Variants in C19orf47 observed in about 807,000 individuals in gnomAD.
The protein encoded by C19orf47 is uncharacterized protein C19orf47.
Under a neutral mutation model 32.3 loss-of-function variants are expected in C19orf47, and 18 were observed. That is an observed-to-expected ratio of 0.56 (90% confidence interval 0.39 to 0.83). The LOEUF (loss-of-function observed/expected upper bound fraction) is 0.83, where lower values mean the gene tolerates loss of function less well. Among genes scored for constraint, C19orf47 ranks in the 40% least tolerant of loss-of-function variants. The pLI is 0.00. For missense variants in C19orf47, 484 were observed against 531.6 expected (o/e 0.91, Z 0.88); for synonymous variants, 202 against 211.1 (o/e 0.96, Z 0.37).
At chr19:40,340,894 C>G (rs2078163756) in intron 2 of C19orf47, among the ~76,000 whole-genome samples, 1 of 150,542 alleles carries the variant, frequency 6.6e-6, no homozygotes, top group Non-Finnish European at 1.5e-5. Context: ...GGGAGGATCA[C>G]CTGAGCCTGG....
intron 5 of C19orf47, among the ~76,000 whole-genome samples, chr19:40,329,274 T>C (rs562698638): frequency 6.6e-6 from 1 of 152,020 alleles, no homozygotes; most frequent in East Asian, 1.9e-4. Context: ...TTGGGAGGCC[T>C]AGGGGGATGG....
Position 40,328,614 on chromosome 19 carries a change from T to A in C19orf47, c.302-64A>T, listed in dbSNP as rs2077885473. 36 of 1,536,240 alleles carry A rather than the reference T, an allele frequency of 2.3e-5. 1 individual carries two copies. In the South Asian group the frequency reaches 4.2e-4, roughly 18 times the overall value. ...TGGAAGACAGGCCTCAATCCAGCAG[T>A]CTCAGGGTCAGGATGGAGAAGGTGA... On this transcript the variant is annotated intron_variant, in intron 5 of 8. Coordinates refer to ENST00000683109, the MANE Select transcript of C19orf47 (RefSeq NM_001256441.2).
At chr19:40,298,809 G>A in the C19orf47 span, among the ~76,000 whole-genome samples, 5 of 152,120 alleles carry the variant, frequency 3.3e-5, no homozygotes, top group Admixed American at 6.6e-5. Context: ...TAGTTTATAA[G>A]TTGTTGCAGA....
At chr19:40,311,310 C>T in the C19orf47 span, among the ~76,000 whole-genome samples, 2 of 151,630 alleles carry the variant, frequency 1.3e-5, no homozygotes, top group Admixed American at 1.3e-4. Flanking sequence ...ACCCGGGAGG[C>T]ACAGGTTGCG....
chr19:40,330,893 G>A (rs2077938644), intron 5 of C19orf47, among the ~76,000 whole-genome samples: 1 of 152,138 alleles, frequency 6.6e-6, no homozygotes. Flanking sequence ...CAGGGTAGTG[G>A]GTACCCTGGA....
In C19orf47 at chr19:40,328,494, G is replaced by C. The variant is rs200776998; in HGVS notation, c.358C>G (p.Pro120Ala). The C allele has an allele frequency of 4.2e-5, 67 of 1,612,082 alleles. No homozygotes were observed. The highest frequency in any genetic ancestry group is 5.0e-5 in the Admixed American group (3 of 59,742). The change falls in exon 6 of 9, where the codon CCC becomes GCC. Residue 120 changes from proline (P) to alanine (A), a missense_variant. By Grantham distance (27) the Pro-to-Ala change is conservative. Coordinates refer to ENST00000683109, the MANE Select transcript of C19orf47 (RefSeq NM_001256441.2). ...LNHDSPPSTP[P>A]RRPDTSTSKI... ...GAGGTGCTGGTGTCCGGGCGCCTGG[G>C]GGGTGTGCTGGGTGGAGAGTCATGG...
chr19:40,334,275 G>A (rs979867692), intron 4 of C19orf47, among the ~76,000 whole-genome samples: 6 of 151,596 alleles, frequency 4.0e-5, no homozygotes, highest in African/African-American at 7.3e-5. Flanking sequence ...ACAGTGGGAC[G>A]CTTATCTCTA....
rs557875783 is a variant in C19orf47 at position 40,341,512 on chromosome 19, C to A, written c.19+327G>T. Among the ~76,000 whole-genome samples, 4 of 152,288 alleles carry A rather than the reference C, an allele frequency of 2.6e-5. No homozygotes were observed. In the South Asian group the frequency reaches 8.3e-4, roughly 32 times the overall value. The stretch of plus-strand genomic sequence containing the variant: ...AGAACTATGCCCAAGCTTTTACATG[C>A]TATAATCTCCTTAATCCCAGGATGT... On this transcript the variant is annotated intron_variant, in intron 2 of 8. Coordinates refer to ENST00000683109, the MANE Select transcript of C19orf47 (RefSeq NM_001256441.2).
intron 5 of C19orf47, among the ~76,000 whole-genome samples, chr19:40,329,543 C>T (rs549859113): frequency 1.3e-5 from 2 of 152,062 alleles, no homozygotes. Flanking sequence ...CTACATTAAA[C>T]CATCACAGAA....
chr19:40,336,956 G>T (rs2078078047), intron 2 of C19orf47, among the ~76,000 whole-genome samples: 1 of 152,212 alleles, frequency 6.6e-6, no homozygotes, highest in South Asian at 2.1e-4. Context: ...TTACTAACAT[G>T]GGCTTCGGAG....
At chr19:40,324,914 C>T (rs558969677) in intron 7 of C19orf47, among the ~76,000 whole-genome samples, 1 of 151,112 alleles carries the variant, frequency 6.6e-6, no homozygotes, top group South Asian at 2.1e-4. Flanking sequence ...GAGCCGTGTT[C>T]GTACCACAGC....
At chr19:40,329,221 T>G (rs76399144) in intron 5 of C19orf47, among the ~76,000 whole-genome samples, 1,853 of 152,202 alleles carry the variant, frequency 0.012, 54 homozygotes, top group African/African-American at 0.042. Context: ...TAAAGTGGTT[T>G]CTGAGGACAG....
chr19:40,324,164 C>A, intron 7 of C19orf47, 88 bp from the exon 8 acceptor site: 1 of 1,284,326 alleles, frequency 7.8e-7, no homozygotes, highest in South Asian at 1.2e-5. Flanking sequence ...AGCCCAGACA[C>A]CAGTAGCTCT....
intron 6 of C19orf47, among the ~76,000 whole-genome samples, chr19:40,328,189 C>G (rs1012452908): frequency 6.6e-6 from 1 of 152,154 alleles, no homozygotes; most frequent in East Asian, 1.9e-4. Context: ...TCTGTCCATC[C>G]TCCTGGGTGG....
the C19orf47 span, among the ~76,000 whole-genome samples, chr19:40,294,060 C>T: frequency 6.6e-6 from 1 of 152,040 alleles, no homozygotes; most frequent in Non-Finnish European, 1.5e-5. Context: ...GCGGAGGTTG[C>T]AGTGTACTGA....
chr19:40,323,477 G>A (rs369185256), intron 8 of C19orf47, among the ~76,000 whole-genome samples: 31 of 152,348 alleles, frequency 2.0e-4, no homozygotes, highest in African/African-American at 7.2e-4. Flanking sequence ...AGGAAGTACA[G>A]GCTGCATCAT....
downstream of C19orf47, among the ~76,000 whole-genome samples, chr19:40,318,403 T>C (rs1182650031): frequency 6.6e-6 from 1 of 152,106 alleles, no homozygotes; most frequent in Non-Finnish European, 1.5e-5. Flanking sequence ...AGAATCTCCC[T>C]GGCACAGCTA....
At position 40,323,972 on chromosome 19, in the gene C19orf47, G is replaced by A. The variant is rs770845444; in HGVS notation, c.663+34C>T. On this transcript the variant is annotated intron_variant, in intron 8 of 8. Transcript: ENST00000683109. ...CACCGCTCAGGGAAGACAACAGCTC[G>A]CACGCCCAGAATCGCTCCCCCATCC... is the stretch of plus-strand genomic sequence containing the variant. 32 of 1,612,176 alleles carry A rather than the reference G, an allele frequency of 2.0e-5. No homozygotes were observed. In the Admixed American group the frequency reaches 3.0e-4, roughly 15 times the overall value.
intron 7 of C19orf47, chr19:40,324,411 G>C (rs766757342): frequency 3.6e-5 from 13 of 359,000 alleles, no homozygotes; most frequent in Middle Eastern, 1.6e-3. Flanking sequence ...TCTGATGAGT[G>C]GTAGTGCATC....
Sources: allele counts gnomAD v4.1 joint callset (sites outside exome capture counted in the v4.1 genomes callset), GRCh38; gene constraint gnomAD v4.1.1; transcripts MANE v1.5; gene names NCBI Gene and HGNC (gene_info 2026-07-23, HGNC 2026-07-21).